Variants in TMEM178B observed in about 807,000 individuals in gnomAD.
The protein encoded by TMEM178B is transmembrane protein 178B.
A neutral mutation model predicts 31.0 loss-of-function variants in TMEM178B; 5 were observed. The observed-to-expected ratio is 0.16, with a 90% CI of 0.08 to 0.34. The LOEUF (loss-of-function observed/expected upper bound fraction) is 0.34, where lower values mean the gene tolerates loss of function less well. TMEM178B is among the 10% of genes least tolerant of loss of function. The pLI is 1.00. For synonymous variants in TMEM178B, 164 were observed against 164.0 expected (o/e 1.00, Z 0.00); for missense variants, 275 against 400.3 (o/e 0.69, Z 2.67).
At chr7:141,232,380 G>A (rs911798139) in intron 2 of TMEM178B, among the ~76,000 whole-genome samples, 8 of 152,090 alleles carry the variant, frequency 5.3e-5, no homozygotes, top group East Asian at 1.9e-4. Context: ...TTGAGGAGTC[G>A]TCACACTGTC....
Position 141,074,178 on chromosome 7 carries a change from A to T in TMEM178B, c.-133A>T. 1 of 1,284,154 alleles carries T rather than the reference A, an allele frequency of 7.8e-7. No individual in the cohort carries two copies. The highest frequency in any genetic ancestry group is 1.0e-6 in the Non-Finnish European group (1 of 979,104). 79.5% of individuals were successfully genotyped at this position (1,284,154 alleles called of 1,614,324 possible). A position where few individuals can be genotyped will look rare whatever the true frequency, so the allele number is the denominator to read the frequency against. ...GCCGTGCTCCGGTAGGCGGGGGCCG[A>T]GGGGGCGCCGCGGCGCGAGTCCCTC... On this transcript the variant is annotated 5_prime_UTR_variant, in exon 1 of 4. Transcript: ENST00000565468. The surrounding 1 kb of genome is among the most constrained non-coding windows in gnomAD (Gnocchi z 5.1).
At chr7:141,091,090 C>T (rs1286107220) in intron 1 of TMEM178B, among the ~76,000 whole-genome samples, 1 of 152,068 alleles carries the variant, frequency 6.6e-6, no homozygotes, top group Non-Finnish European at 1.5e-5. Flanking sequence ...TTCCTATGAC[C>T]CCCATAACTC....
At chr7:141,466,081 T>C (rs1802144123) in intron 3 of TMEM178B, among the ~76,000 whole-genome samples, 1 of 152,178 alleles carries the variant, frequency 6.6e-6, no homozygotes, top group African/African-American at 2.4e-5. Context: ...CAGTAGCATA[T>C]ATGGAAATTA....
intron 1 of TMEM178B, among the ~76,000 whole-genome samples, chr7:141,202,793 A>C (rs1796898865): frequency 6.6e-6 from 1 of 152,052 alleles, no homozygotes; most frequent in Non-Finnish European, 1.5e-5. Context: ...TTGCCTTTTA[A>C]ATAGGGAGAG....
intron 2 of TMEM178B, among the ~76,000 whole-genome samples, chr7:141,241,170 C>G (rs1185439017): frequency 6.6e-6 from 1 of 151,740 alleles, no homozygotes; most frequent in Non-Finnish European, 1.5e-5. Context: ...CTAGCCCCCT[C>G]CCATCCTCCC....
At chr7:141,448,649 G>C (rs1801805608) in intron 3 of TMEM178B, among the ~76,000 whole-genome samples, 1 of 152,246 alleles carries the variant, frequency 6.6e-6, no homozygotes, top group Admixed American at 6.5e-5. Context: ...ACTGAGGGTG[G>C]GGGAGACGAT....
intron 2 of TMEM178B, among the ~76,000 whole-genome samples, chr7:141,279,052 C>T (rs774206067): frequency 2.0e-5 from 3 of 152,148 alleles, no homozygotes; most frequent in Non-Finnish European, 4.4e-5. Context: ...AATGTCTGAT[C>T]AAGGTAAGAT....
chr7:141,211,694 T>C (rs1489364618), intron 1 of TMEM178B, among the ~76,000 whole-genome samples: 1 of 152,176 alleles, frequency 6.6e-6, no homozygotes, highest in East Asian at 1.9e-4. Context: ...GCCTTCCTTT[T>C]GGAATTTGCA....
chr7:141,290,963 C>T (rs1220476215), intron 2 of TMEM178B, among the ~76,000 whole-genome samples: 1 of 152,314 alleles, frequency 6.6e-6, no homozygotes, highest in East Asian at 1.9e-4. Context: ...ACCTACCCAT[C>T]GCTGGCTGGC....
chr7:141,314,063 T>C (rs1424389357), intron 2 of TMEM178B, among the ~76,000 whole-genome samples: 2 of 152,244 alleles, frequency 1.3e-5, no homozygotes, highest in Non-Finnish European at 2.9e-5. Flanking sequence ...TTTCAGCCTC[T>C]GCCTCGGCTG....
chr7:141,259,761 G>T (rs1298109660), intron 2 of TMEM178B, among the ~76,000 whole-genome samples: 1 of 152,142 alleles, frequency 6.6e-6, no homozygotes, highest in African/African-American at 2.4e-5. Context: ...GCCAGCAATT[G>T]GTCAGAGGCT....
intron 1 of TMEM178B, among the ~76,000 whole-genome samples, chr7:141,210,230 C>T (rs10256542): frequency 0.059 from 8,968 of 151,970 alleles, 837 homozygotes; most frequent in African/African-American, 0.19. Flanking sequence ...TTTGGGAGGC[C>T]GAGGCGGGTG....
intron 2 of TMEM178B, among the ~76,000 whole-genome samples, chr7:141,263,354 G>T (rs983017676): frequency 1.3e-5 from 2 of 152,146 alleles, no homozygotes; most frequent in Non-Finnish European, 2.9e-5. Context: ...AGGCTGATGG[G>T]ATACATGGGC....
At chr7:141,395,177 A>G (rs539076937) in intron 2 of TMEM178B, among the ~76,000 whole-genome samples, 1 of 152,322 alleles carries the variant, frequency 6.6e-6, no homozygotes, top group South Asian at 2.1e-4. Context: ...TTTGGCTGCA[A>G]ATATACTCCA....
At chr7:141,116,684 A>G (rs939059099) in intron 1 of TMEM178B, among the ~76,000 whole-genome samples, 3 of 151,802 alleles carry the variant, frequency 2.0e-5, no homozygotes, top group African/African-American at 7.3e-5. Flanking sequence ...ATCCCCTGAC[A>G]GGCCCCAGTG....
intron 1 of TMEM178B, among the ~76,000 whole-genome samples, chr7:141,105,992 G>A (rs1795139653): frequency 6.6e-6 from 1 of 150,534 alleles, no homozygotes; most frequent in Admixed American, 6.7e-5. Context: ...CTACTTGGGA[G>A]ACTGAGGCAT....
At chr7:141,386,708 A>G (rs1038597367) in intron 2 of TMEM178B, among the ~76,000 whole-genome samples, 7 of 152,186 alleles carry the variant, frequency 4.6e-5, no homozygotes, top group Non-Finnish European at 7.3e-5. Flanking sequence ...CACTGCGACT[A>G]TGCATATACC....
rs901859238 is a variant in TMEM178B, at chr7:141,247,609, C to A, written c.496+34905C>A. 2.1e-4 allele frequency among the ~76,000 whole-genome samples: 32 copies of A among 152,056 alleles called. 1 individual carries two copies. The highest frequency in any genetic ancestry group is 1.5e-5 in the Non-Finnish European group (1 of 68,002). ...GTAGGGAAAGGGAAAGAGGATGGAG[C>A]CATGCTTTGTCTTTGTATTTCTAGT... On this transcript the variant is annotated intron_variant, in intron 2 of 3. Coordinates refer to ENST00000565468, the MANE Select transcript of TMEM178B (RefSeq NM_001195278.2).
the TMEM178B span, among the ~76,000 whole-genome samples, chr7:141,495,337 C>G: frequency 6.6e-6 from 1 of 152,212 alleles, no homozygotes; most frequent in African/African-American, 2.4e-5. Context: ...GTGCTCTCAT[C>G]TTCAGTGGAG....
Sources: gnomAD v4.1 joint callset for allele counts (sites outside exome capture counted in the v4.1 genomes callset) on GRCh38, gnomAD v4.1.1 for gene constraint, Gnocchi (gnomAD v3.1) non-coding constraint, MANE v1.5 for transcripts, NCBI Gene and HGNC (gene_info 2026-07-23, HGNC 2026-07-21) for gene names.